Variants in SLC7A11 observed in about 807,000 individuals in gnomAD.
SLC7A11 encodes the protein cystine/glutamate transporter.
In SLC7A11, 35 loss-of-function variants were observed where a neutral mutation model predicts 54.5. The observed-to-expected ratio is 0.64, with a 90% CI of 0.49 to 0.85. The LOEUF (loss-of-function observed/expected upper bound fraction) is 0.85, where lower values mean the gene tolerates loss of function less well. Ranked by LOEUF, SLC7A11 falls within the 40% of genes least tolerant of loss-of-function variation. The pLI is 0.00. For synonymous variants in SLC7A11, 230 were observed against 225.2 expected, an observed-to-expected ratio of 1.02 and a Z score of -0.19; for missense variants, 583 against 618.1, an observed-to-expected ratio of 0.94 and a Z score of 0.60.
intron 2 of SLC7A11, among the ~76,000 whole-genome samples, chr4:138,235,937 C>A (rs762573088): frequency 9.2e-5 from 14 of 152,080 alleles, no homozygotes; most frequent in African/African-American, 2.4e-4. Context: ...AAGTTAAATG[C>A]CTTAATGATA....
chr4:138,219,895 G>T (rs1190884655), intron 4 of SLC7A11, among the ~76,000 whole-genome samples: 1 of 151,114 alleles, frequency 6.6e-6, no homozygotes, highest in Non-Finnish European at 1.5e-5. Context: ...AAGAGAAGTT[G>T]GAAAATCCTG....
chr4:138,227,187 C>G (rs1228832636), intron 3 of SLC7A11, among the ~76,000 whole-genome samples: 1 of 152,166 alleles, frequency 6.6e-6, no homozygotes, highest in East Asian at 1.9e-4. Context: ...CTCCCAGGGT[C>G]AGGTTCTTCT....
intron 6 of SLC7A11, among the ~76,000 whole-genome samples, chr4:138,208,799 C>CTTACG (rs1553943999): frequency 6.6e-6 from 1 of 151,912 alleles, no homozygotes; most frequent in Non-Finnish European, 1.5e-5. Flanking sequence ...AGGCAATACT[C>CTTACG]TTATTATAAA....
chr4:138,179,245 C>G lies in SLC7A11; in HGVS notation c.1416G>C (p.Lys472Asn), dbSNP rs755177794. 1.2e-6 allele frequency: 2 copies of G among 1,611,502 alleles called. No individual in the cohort carries two copies. Among genetic ancestry groups the G allele is most frequent in the African/African-American group, 2.7e-5 (2 of 74,938 alleles). Residue 472 changes from lysine to asparagine, a missense_variant, in exon 11 of 12, where the codon AAG becomes AAC. Transcript: ENST00000280612. ...PAYYLFIIWD[K>N]KPRWFRIMSE... ...ACATTATTCTAAACCACCTGGGTTT[C>G]TTGTCCCATATAATAAAGAGATAAT...
At chr4:138,216,300 G>C (rs540222250) in intron 5 of SLC7A11, among the ~76,000 whole-genome samples, 1 of 152,224 alleles carries the variant, frequency 6.6e-6, no homozygotes, top group Non-Finnish European at 1.5e-5. Flanking sequence ...CCCAGCAAGT[G>C]CTTTAGAAAG....
Position 138,180,762 on chromosome 4 carries a change from G to C in SLC7A11, c.1145C>G (p.Ser382Cys). The change falls in exon 10 of 12, where the codon TCT (serine) becomes TGT (cysteine). Residue 382 changes from serine (S) to cysteine (C), a missense_variant. Transcript: ENST00000280612. Reference protein sequence around the residue: ...LHPLTMIMLFSGDLDSLLNFL... With the variant: ...LHPLTMIMLFCGDLDSLLNFL... ...ATTCAAAAGACTGTCGAGGTCTCCA[G>C]AGAAGAGCATTATCATTGTCAAAGG... 1 of 1,612,798 alleles carries C rather than the reference G, an allele frequency of 6.2e-7. No homozygotes were observed.
At chr4:138,179,541 CA>C (rs770755616) in intron 10 of SLC7A11, 147 bp from the exon 11 acceptor site, 13 of 607,478 alleles carry the variant, frequency 2.1e-5, no homozygotes, top group Non-Finnish European at 3.5e-5. Context: ...GCCTTAGTAG[CA>C]AAATCTCTTT....
intron 4 of SLC7A11, among the ~76,000 whole-genome samples, chr4:138,222,849 T>C (rs960986271): frequency 2.1e-5 from 3 of 146,158 alleles, no homozygotes; most frequent in Non-Finnish European, 4.5e-5. Context: ...ATTACTATTA[T>C]TGGACAATTT....
intron 6 of SLC7A11, among the ~76,000 whole-genome samples, chr4:138,199,289 A>AT (rs949961277): frequency 4.9e-5 from 7 of 141,828 alleles, no homozygotes; most frequent in African/African-American, 1.1e-4. Flanking sequence ...ATTTCATCAT[A>AT]TTTTTTTGGC....
At chr4:138,226,827 T>C (rs1265417070) in intron 3 of SLC7A11, among the ~76,000 whole-genome samples, 1 of 152,208 alleles carries the variant, frequency 6.6e-6, no homozygotes, top group African/African-American at 2.4e-5. Flanking sequence ...TGAATAACAA[T>C]TTGCTAATTT....
intron 6 of SLC7A11, among the ~76,000 whole-genome samples, chr4:138,213,206 A>G (rs948627741): frequency 2.6e-5 from 4 of 152,058 alleles, no homozygotes; most frequent in Non-Finnish European, 5.9e-5. Context: ...AGTTATAGAT[A>G]TGACAATATT....
intron 6 of SLC7A11, among the ~76,000 whole-genome samples, chr4:138,207,169 A>C (rs181900663): frequency 6.6e-6 from 1 of 152,196 alleles, no homozygotes; most frequent in Non-Finnish European, 1.5e-5. Flanking sequence ...TAAATAAATT[A>C]ATACATATCT....
rs1429766589 is a variant in SLC7A11, at chr4:138,179,347, C to G, written c.1314G>C (p.Met438Ile). Reference sequence around the variant, plus strand: ...GGTCCGAATAGAGGGAAAGGGCAACCATGAAGAGGCATGTGAAGGAAAACA... The same window carrying G: ...GGTCCGAATAGAGGGAAAGGGCAACGATGAAGAGGCATGTGAAGGAAAACA... ...PALFSFTCLF[M>I]VALSLYSDPF... Residue 438 changes from methionine (M) to isoleucine (I), a missense_variant, in exon 11 of 12, where the codon ATG (methionine) becomes ATC (isoleucine). By Grantham distance (10) the Met-to-Ile change is conservative. Transcript: ENST00000280612. 2 of 1,612,408 alleles carry G rather than the reference C, an allele frequency of 1.2e-6. No homozygotes were observed. The highest frequency in any genetic ancestry group is 4.5e-5 in the East Asian group (2 of 44,768).
rs1391879551 is a variant in SLC7A11, at chr4:138,170,156, ATAAC to A, written c.*1796_*1799del. The A allele has an allele frequency of 2.1e-5, 3 of 145,938 alleles. No homozygotes were observed. The highest frequency in any genetic ancestry group is 5.0e-5 in the African/African-American group (2 of 40,114). 9.0% of individuals were successfully genotyped at this position (145,938 alleles called of 1,614,324 possible). A position where few individuals can be genotyped will look rare whatever the true frequency, so the allele number is the denominator to read the frequency against. ...ACCATTTTACCTTAGATGTTTATAAATAACAGTTCAAAATTTCATCATTATATTA... is the reference window on the plus strand; with the variant it reads ...ACCATTTTACCTTAGATGTTTATAAAAGTTCAAAATTTCATCATTATATTA... On this transcript the variant is annotated 3_prime_UTR_variant, in exon 12 of 12. Coordinates refer to ENST00000280612, the MANE Select transcript of SLC7A11 (RefSeq NM_014331.4).
At chr4:138,225,368 A>G (rs942112548) in intron 3 of SLC7A11, among the ~76,000 whole-genome samples, 1 of 151,730 alleles carries the variant, frequency 6.6e-6, no homozygotes, top group South Asian at 2.1e-4. Context: ...ACGAAGAAAT[A>G]TTTCAAAGGA....
In SLC7A11 at chr4:138,182,335, C is replaced by A. The variant is rs1736762536; in HGVS notation, c.1078G>T (p.Val360Phe). ...HLPEILSMIH[V>F]RKHTPLPAVI... ...GCTGGTAGAGGAGTGTGCTTGCGGA[C>A]ATGAATCATGGAGAGGATTTCTGGA... Residue 360 changes from valine to phenylalanine, a missense_variant, in exon 9 of 12, where the codon GTC (valine) becomes TTC (phenylalanine). Val to Phe is a conservative substitution (Grantham distance 50). Coordinates refer to ENST00000280612, the MANE Select transcript of SLC7A11 (RefSeq NM_014331.4). 6.2e-7 allele frequency: 1 copy of A among 1,611,798 alleles called. No individual in the cohort carries two copies. Among genetic ancestry groups the A allele is most frequent in the South Asian group, 1.1e-5 (1 of 91,042 alleles).
intron 1 of SLC7A11, among the ~76,000 whole-genome samples, chr4:138,237,869 A>T (rs2148458626): frequency 6.9e-6 from 1 of 144,200 alleles, no homozygotes; most frequent in Non-Finnish European, 1.5e-5. Context: ...CTCCTGCCTC[A>T]GCCTCTCAAG....
At position 138,225,777 on chromosome 4, in the gene SLC7A11, A is replaced by G. The variant is rs1243265462; in HGVS notation, c.521-2453T>C. Reference sequence around the variant, plus strand: ...AAAAGGGCAGTGTTTTCTTTCAAATAGGGCTCCTAAAACCCAAAGCACTCT... The same window carrying G: ...AAAAGGGCAGTGTTTTCTTTCAAATGGGGCTCCTAAAACCCAAAGCACTCT... On this transcript the variant is annotated intron_variant, in intron 3 of 11. Coordinates refer to ENST00000280612, the MANE Select transcript of SLC7A11 (RefSeq NM_014331.4). 2.6e-5 allele frequency among the ~76,000 whole-genome samples: 4 copies of G among 152,208 alleles called. No homozygotes were observed. The East Asian group carries it at 7.7e-4, about 29-fold the overall frequency.
intron 6 of SLC7A11, among the ~76,000 whole-genome samples, chr4:138,190,049 G>A (rs1466972842): frequency 6.6e-6 from 1 of 152,062 alleles, no homozygotes; most frequent in Non-Finnish European, 1.5e-5. Flanking sequence ...CCCCTCTGTT[G>A]GACACATACA....
Sources: gnomAD v4.1 joint callset for allele counts (sites outside exome capture counted in the v4.1 genomes callset) on GRCh38, gnomAD v4.1.1 for gene constraint, MANE v1.5 for transcripts, NCBI Gene and HGNC (gene_info 2026-07-23, HGNC 2026-07-21) for gene names.